ASL: variants seen among roughly 807,000 people sequenced by gnomAD.
The protein encoded by ASL is argininosuccinate lyase.
In ASL, 51 loss-of-function variants were observed where a neutral mutation model predicts 69.1. The observed-to-expected ratio is 0.74, with a 90% confidence interval of 0.59 to 0.93. The LOEUF (loss-of-function observed/expected upper bound fraction) is 0.93, where lower values mean the gene tolerates loss of function less well. Among genes scored for constraint, ASL ranks in the 40% least tolerant of loss-of-function variants. The probability of loss-of-function intolerance (pLI) is 0.00; values close to 1 mark genes in which losing one functional copy is unlikely to be tolerated. For synonymous variants in ASL, 241 were observed against 247.6 expected (o/e 0.97, Z 0.25); for missense variants, 540 against 623.9 (o/e 0.87, Z 1.43).
intron 15 of ASL, 50 bp downstream of exon 15, chr7:66,092,136 C>A (rs375899524): frequency 7.0e-5 from 111 of 1,595,692 alleles, no homozygotes; most frequent in Admixed American, 1.5e-4. Flanking sequence ...GTGCCCCCCC[C>A]AGAGGGTGGG....
intron 6 of ASL, among the ~76,000 whole-genome samples, chr7:66,084,325 A>G (rs1786597704): frequency 6.6e-6 from 1 of 151,458 alleles, no homozygotes; most frequent in Non-Finnish European, 1.5e-5. Flanking sequence ...ATGTCCAGCT[A>G]ATTTTTGTAT....
chr7:66,076,087 C>A lies in ASL; in HGVS notation c.6C>A (p.Ala2=). 1 of 1,599,794 alleles carries A rather than the reference C, an allele frequency of 6.3e-7. No individual in the cohort carries two copies. The highest frequency in any genetic ancestry group is 1.3e-5 in the African/African-American group (1 of 74,778). The change falls in exon 2 of 17, where the codon GCC becomes GCA. Residue 2 remains alanine (A), a synonymous_variant. Coordinates refer to ENST00000304874, the MANE Select transcript of ASL (RefSeq NM_000048.4). The part of the protein sequence containing the change: M[A]SESGKLWGGR... ...ACGACGAGGAACCGCCCAACATGGC[C>A]TCGGAGGTGAGTGGGACCTCGGGGA...
intron 6 of ASL, among the ~76,000 whole-genome samples, chr7:66,084,182 CA>C (rs1467988773): frequency 3.3e-5 from 5 of 149,318 alleles, no homozygotes; most frequent in African/African-American, 4.9e-5. Context: ...TTTTTTGAGA[CA>C]GGGTTTTGCT....
intron 2 of ASL, among the ~76,000 whole-genome samples, chr7:66,079,249 G>A (rs568864079): frequency 4.5e-4 from 69 of 152,172 alleles, no homozygotes; most frequent in African/African-American, 1.3e-3. Context: ...CAGGCCAGGT[G>A]GTTAATAGAA....
chr7:66,080,626 G>A (rs1214809179), intron 2 of ASL, among the ~76,000 whole-genome samples: 1 of 151,526 alleles, frequency 6.6e-6, no homozygotes, highest in Non-Finnish European at 1.5e-5. Context: ...GGGAGGCTGA[G>A]GCAGGAAAAT....
rs780023054 is a variant in ASL at position 66,086,592 on chromosome 7, G to A, written c.454G>A (p.Asp152Asn). ...GCTCCTCCTCTCCCACAGGGAACGT[G>A]ATGTTCTCTTCCCGGGGTACACCCA... ...TMVDRAEAER[D>N]VLFPGYTHLQ... The change falls in exon 7 of 17, where the codon GAT (aspartate) becomes AAT (asparagine). Residue 152 changes from aspartate to asparagine, a missense_variant. Physicochemically the swap from Asp to Asn is conservative, Grantham distance 23. Coordinates refer to ENST00000304874, the MANE Select transcript of ASL (RefSeq NM_000048.4). 8 of 1,613,796 alleles carry A rather than the reference G, an allele frequency of 5.0e-6. No homozygotes were observed. Among genetic ancestry groups the A allele is most frequent in the Admixed American group, 1.7e-5 (1 of 60,014 alleles).
intron 6 of ASL, 85 bp downstream of exon 6, chr7:66,083,259 G>T: frequency 6.9e-7 from 1 of 1,454,868 alleles, no homozygotes; most frequent in Non-Finnish European, 9.4e-7. Flanking sequence ...GGTGAACAGC[G>T]TGGGGGTGCC....
At position 66,083,179 on chromosome 7, in the gene ASL, G is replaced by A; in HGVS notation, c.446+5G>A. 6.2e-7 allele frequency: 1 copy of A among 1,611,922 alleles called. No homozygotes were observed. The highest frequency in any genetic ancestry group is 8.5e-7 in the Non-Finnish European group (1 of 1,179,694). ...CATGGTGGATCGGGCAGAGGCGTGA[G>A]TCCTACAGGGACACCCAGGGGGCAG... On this transcript the variant is annotated splice_donor_5th_base_variant and intron_variant, in intron 6 of 16. Coordinates refer to ENST00000304874, the MANE Select transcript of ASL (RefSeq NM_000048.4).
Position 66,086,839 on chromosome 7 carries a change from G to A in ASL, c.602+18G>A. On this transcript the variant is annotated intron_variant, in intron 8 of 16. Coordinates refer to ENST00000304874, the MANE Select transcript of ASL (RefSeq NM_000048.4). ...CTGGGGAGGTGGGTGAGGCTCCAGTGCCCCGAGGGCCTGGTGGGGGTGGCT... is the reference window on the plus strand; with the variant it reads ...CTGGGGAGGTGGGTGAGGCTCCAGTACCCCGAGGGCCTGGTGGGGGTGGCT... 6.4e-7 allele frequency: 1 copy of A among 1,560,178 alleles called. No individual in the cohort carries two copies. Among genetic ancestry groups the A allele is most frequent in the Non-Finnish European group, 8.7e-7 (1 of 1,152,834 alleles).
rs1025332601 is a variant in ASL, at chr7:66,089,372, G to A, written c.978+37G>A. 3.8e-6 allele frequency: 6 copies of A among 1,572,976 alleles called. No individual in the cohort carries two copies. In the African/African-American group the frequency reaches 5.4e-5, roughly 14 times the overall value. On this transcript the variant is annotated intron_variant, in intron 13 of 16. Transcript: ENST00000304874. The stretch of plus-strand genomic sequence containing the variant: ...GGGGAGGCCTGGCTAGTACGTGCCA[G>A]TTCTCAGGGCTCTGGCACACTCAGG...
chr7:66,090,919 G>A (rs1242743499), intron 14 of ASL, among the ~76,000 whole-genome samples: 1 of 151,920 alleles, frequency 6.6e-6, no homozygotes, highest in Non-Finnish European at 1.5e-5. Flanking sequence ...CCAACATGGC[G>A]AAACCCCGTC....
Position 66,086,790 on chromosome 7 carries a change from C to G in ASL, c.571C>G (p.Arg191Gly), listed in dbSNP as rs143508372. Residue 191 changes from arginine (R) to glycine (G), a missense_variant, in exon 8 of 17, where the codon CGG becomes GGG. Arg to Gly is a moderately radical substitution (Grantham distance 125, BLOSUM62 -2). Transcript: ENST00000304874. ...AGACTCTGAGCGGCTGCTGGAGGTG[C>G]GGAAGCGGATCAATGTCCTGCCCCT... ...TRDSERLLEVRKRINVLPLGS... is the reference protein window; with the variant it reads ...TRDSERLLEVGKRINVLPLGS... 1.9e-6 allele frequency: 3 copies of G among 1,590,800 alleles called. No homozygotes were observed. The highest frequency in any genetic ancestry group is 4.6e-5 in the East Asian group (2 of 43,808).
chr7:66,077,013 T>C (rs889491425), intron 2 of ASL, among the ~76,000 whole-genome samples: 1 of 152,214 alleles, frequency 6.6e-6, no homozygotes, highest in Non-Finnish European at 1.5e-5. Flanking sequence ...ACTTGGTTTC[T>C]GTACCAGTCA....
rs137915973 is a variant in ASL, at chr7:66,082,389, G to A, written c.229G>A (p.Gly77Ser). ...ACAGGTGGCTGAGGAGTGGGCCCAG[G>A]GCACCTTCAAACTGAACTCCAATGA... is the stretch of plus-strand genomic sequence containing the variant. ...LDKVAEEWAQ[G>S]TFKLNSNDED... Residue 77 changes from glycine (G) to serine (S), a missense_variant, in exon 4 of 17, where the codon GGC becomes AGC. By Grantham distance (56) the Gly-to-Ser change is moderately conservative. Coordinates refer to ENST00000304874, the MANE Select transcript of ASL (RefSeq NM_000048.4). 1 of 1,612,536 alleles carries A rather than the reference G, an allele frequency of 6.2e-7. No individual in the cohort carries two copies. The highest frequency in any genetic ancestry group is 8.5e-7 in the Non-Finnish European group (1 of 1,179,648).
At chr7:66,076,130 T>C in intron 2 of ASL, 37 bp downstream of exon 2, 1 of 1,580,550 alleles carries the variant, frequency 6.3e-7, no homozygotes, top group Non-Finnish European at 8.6e-7. Context: ...CCTCCTAGCC[T>C]CCAAAGGAGA....
chr7:66,087,353 C>G lies in ASL; in HGVS notation c.622C>G (p.Pro208Ala). Residue 208 changes from proline to alanine, a missense_variant, in exon 9 of 17, where the codon CCC (proline) becomes GCC (alanine). Physicochemically the swap from Pro to Ala is conservative, Grantham distance 27. Coordinates refer to ENST00000304874, the MANE Select transcript of ASL (RefSeq NM_000048.4). ...PLGSGAIAGN[P>A]LGVDRELLRA... ...CTGCAGTGGGGCCATTGCAGGCAAT[C>G]CCCTGGGTGTGGACCGAGAGCTGCT... 1 of 1,606,070 alleles carries G rather than the reference C, an allele frequency of 6.2e-7. No individual in the cohort carries two copies. The highest frequency in any genetic ancestry group is 1.3e-5 in the African/African-American group (1 of 74,942).
chr7:66,082,413 G>C lies in ASL; in HGVS notation c.253G>C (p.Asp85His). ...GGGCACCTTCAAACTGAACTCCAAT[G>C]ATGAGGACATCCACACAGCCAATGA... ...AQGTFKLNSN[D>H]EDIHTANERR... Residue 85 changes from aspartate to histidine, a missense_variant, in exon 4 of 17, where the codon GAT becomes CAT. By Grantham distance (81) the Asp-to-His change is moderately conservative. Transcript: ENST00000304874. 6.2e-7 allele frequency: 1 copy of C among 1,612,472 alleles called. No individual in the cohort carries two copies. Among genetic ancestry groups the C allele is most frequent in the Non-Finnish European group, 8.5e-7 (1 of 1,179,736 alleles).
chr7:66,087,408 C>T (rs774863220), intron 9 of ASL, 22 bp downstream of exon 9: 5 of 1,606,198 alleles, frequency 3.1e-6, no homozygotes, highest in Non-Finnish European at 2.5e-6. Context: ...TGCCCCTCCT[C>T]CCCAGGGAGA....
Position 66,088,845 on chromosome 7 carries a change from C to G in ASL, c.757C>G (p.Leu253Val), listed in dbSNP as rs767103799. 4 of 1,614,074 alleles carry G rather than the reference C, an allele frequency of 2.5e-6. No homozygotes were observed. Among genetic ancestry groups the G allele is most frequent in the Non-Finnish European group, 3.4e-6 (4 of 1,180,022 alleles). The change falls in exon 11 of 17, where the codon CTC becomes GTC. Residue 253 changes from leucine to valine, a missense_variant. By Grantham distance (32) the Leu-to-Val change is conservative. Transcript: ENST00000304874. ...CTGGGCTTCGCTGTGCATGACCCAT[C>G]TCAGCAGGATGGCCGAGGACCTCAT... ...LFWASLCMTH[L>V]SRMAEDLILY...
Sources: gnomAD v4.1 joint callset for allele counts (sites outside exome capture counted in the v4.1 genomes callset) on GRCh38, gnomAD v4.1.1 for gene constraint, MANE v1.5 for transcripts, NCBI Gene and HGNC (gene_info 2026-07-23, HGNC 2026-07-21) for gene names.